The following DSCAML1 variants were observed in gnomAD, a reference collection of about 807,000 sequenced individuals.
DSCAML1 encodes the protein DS cell adhesion molecule like 1, also known as cell adhesion molecule DSCAML1.
Under a neutral mutation model 200.5 loss-of-function variants are expected in DSCAML1, and 38 were observed. That is an observed-to-expected ratio of 0.19 (90% CI 0.15 to 0.25). The LOEUF is 0.25. DSCAML1 is among the 10% of genes least tolerant of loss of function. The pLI is 1.00. For missense variants in DSCAML1, 2,223 were observed against 2,858.8 expected, an observed-to-expected ratio of 0.78 and a Z score of 5.07; for synonymous variants, 1,215 against 1,165.0, an observed-to-expected ratio of 1.04 and a Z score of -0.87.
chr11:117,687,789 C>T (rs984356724), intron 3 of DSCAML1, among the ~76,000 whole-genome samples: 26 of 152,258 alleles, frequency 1.7e-4, no homozygotes, highest in Middle Eastern at 3.4e-3. Context: ...ATTAACAAAA[C>T]TGGTAAGGGC....
At chr11:117,656,496 C>CATCTATCTATCT (rs71469141) in intron 3 of DSCAML1, among the ~76,000 whole-genome samples, 2,306 of 147,366 alleles carry the variant, frequency 0.016, 16 homozygotes, top group East Asian at 0.032. Flanking sequence ...TTACCTAAAT[C>CATCTATCTATCT]ATCTATCTAT....
chr11:117,689,618 T>G (rs1434376988), intron 3 of DSCAML1, among the ~76,000 whole-genome samples: 2 of 152,090 alleles, frequency 1.3e-5, no homozygotes, highest in Non-Finnish European at 2.9e-5. Flanking sequence ...GTGAAGGAGA[T>G]GATCACTCAA....
At chr11:117,757,571 TATAC>T (rs1417709682) in intron 3 of DSCAML1, among the ~76,000 whole-genome samples, 2 of 83,530 alleles carry the variant, frequency 2.4e-5, no homozygotes, top group African/African-American at 1.0e-4. Context: ...ATTAGGAGCC[TATAC>T]ACACACACAC....
rs753066184 is a variant in DSCAML1, at chr11:117,428,666, G to A, written c.5824C>T (p.Arg1942Cys). ...CTGGCAGGGTCCAGGGTCAGGTGGC[G>A]AGCCTGGGTGTGGTAGGTTCGAGCC... is the stretch of plus-strand genomic sequence containing the variant. ...NLARTYHTQARHLTLDPASKS... is the reference protein window; with the variant it reads ...NLARTYHTQACHLTLDPASKS... Residue 1942 changes from arginine to cysteine, a missense_variant, in exon 33 of 33, where the codon CGC (arginine) becomes TGC (cysteine). Around this residue, in one of 7 missense-constraint regions of DSCAML1, gnomAD observed 280 missense variants for 213.4 expected, o/e 1.31. Coordinates refer to ENST00000651296, the MANE Select transcript of DSCAML1 (RefSeq NM_020693.4). 1.7e-5 allele frequency: 27 copies of A among 1,612,496 alleles called. No individual in the cohort carries two copies. The highest frequency in any genetic ancestry group is 5.0e-5 in the Admixed American group (3 of 59,854).
chr11:117,482,050 C>T lies in DSCAML1; in HGVS notation c.2472G>A (p.Lys824=), dbSNP rs2048936090. 1.9e-6 allele frequency: 3 copies of T among 1,614,212 alleles called. No individual in the cohort carries two copies. Among genetic ancestry groups the T allele is most frequent in the Non-Finnish European group, 2.5e-6 (3 of 1,180,016 alleles). Residue 824 remains lysine, a synonymous_variant, in exon 12 of 33, where the codon AAG becomes AAA. Coordinates refer to ENST00000651296, the MANE Select transcript of DSCAML1 (RefSeq NM_020693.4). ...GGTCAGGGTCGATGACTGTGTCCCC[C>T]TTCTCCCAGCGGATGATGATGGGCC... is the stretch of plus-strand genomic sequence containing the variant. ...GERPIIIRWE[K]GDTVIDPDRV...
intron 20 of DSCAML1, among the ~76,000 whole-genome samples, chr11:117,444,334 T>C (rs78701708): frequency 0.02 from 3,080 of 152,190 alleles, 54 homozygotes; most frequent in Non-Finnish European, 0.033. Flanking sequence ...GTGAGTACTT[T>C]AGGTGAGGGA....
chr11:117,698,145 G>A (rs986108899), intron 3 of DSCAML1, among the ~76,000 whole-genome samples: 4 of 152,284 alleles, frequency 2.6e-5, no homozygotes, highest in South Asian at 2.1e-4. Flanking sequence ...CTATTCACAC[G>A]TCAATGGACC....
intron 3 of DSCAML1, among the ~76,000 whole-genome samples, chr11:117,746,221 CA>C (rs34362262): frequency 3.0e-4 from 20 of 66,800 alleles, no homozygotes; most frequent in African/African-American, 9.2e-4. Context: ...GACTCTGTCT[CA>C]AAAAAAAAAA....
intron 1 of DSCAML1, among the ~76,000 whole-genome samples, chr11:117,816,426 G>A (rs1384207244): frequency 6.6e-6 from 1 of 152,248 alleles, no homozygotes; most frequent in Admixed American, 6.5e-5. Flanking sequence ...CATTTGTCAG[G>A]CAGCCTGCTA....
At chr11:117,630,658 CAAAAAAAAAAA>C (rs56741831) in intron 3 of DSCAML1, among the ~76,000 whole-genome samples, 15 of 45,562 alleles carry the variant, frequency 3.3e-4, no homozygotes, top group East Asian at 7.9e-4. Flanking sequence ...ATAAAGTGGC[CAAAAAAAAAAA>C]AAAAAAAAAA....
intron 3 of DSCAML1, among the ~76,000 whole-genome samples, chr11:117,627,261 T>C (rs1591337211): frequency 6.6e-6 from 1 of 152,138 alleles, no homozygotes; most frequent in African/African-American, 2.4e-5. Context: ...GCTAAGACAC[T>C]GTTAGAGGTT....
rs375428721 is a variant in DSCAML1 at position 117,433,430 on chromosome 11, G to T, written c.4907+11C>A. On this transcript the variant is annotated intron_variant, in intron 28 of 32. Coordinates refer to ENST00000651296, the MANE Select transcript of DSCAML1 (RefSeq NM_020693.4). ...AAGGGAGGAGAAAGGAAGCAGCTTG[G>T]TGATACCCACCTTATCAACATTTCT... The T allele has an allele frequency of 6.2e-6, 10 of 1,613,242 alleles. No individual in the cohort carries two copies. Among genetic ancestry groups the T allele is most frequent in the African/African-American group, 4.0e-5 (3 of 74,912 alleles).
At chr11:117,544,572 G>T (rs2050335654) in intron 3 of DSCAML1, among the ~76,000 whole-genome samples, 1 of 152,162 alleles carries the variant, frequency 6.6e-6, no homozygotes, top group Admixed American at 6.5e-5. Flanking sequence ...TGAATAACCT[G>T]GGAGTCCCTG....
intron 3 of DSCAML1, among the ~76,000 whole-genome samples, chr11:117,717,940 G>T (rs555359572): frequency 1.3e-5 from 2 of 152,190 alleles, no homozygotes; most frequent in Non-Finnish European, 2.9e-5. Context: ...AGGAGTGCAG[G>T]TTCCAGCTTC....
intron 3 of DSCAML1, among the ~76,000 whole-genome samples, chr11:117,566,780 C>A (rs1323971849): frequency 2.0e-5 from 3 of 149,646 alleles, no homozygotes; most frequent in African/African-American, 4.9e-5. Context: ...TTCCTGTGTC[C>A]ATGTGTTTTC....
At chr11:117,760,737 C>T (rs894559709) in intron 3 of DSCAML1, among the ~76,000 whole-genome samples, 4 of 152,190 alleles carry the variant, frequency 2.6e-5, no homozygotes, top group African/African-American at 9.7e-5. Context: ...TCTTATCTCT[C>T]TCCCCTGAAG....
chr11:117,759,061 T>TAG (rs1255592639), intron 3 of DSCAML1, among the ~76,000 whole-genome samples: 3 of 152,228 alleles, frequency 2.0e-5, no homozygotes, highest in Non-Finnish European at 4.4e-5. Context: ...GCGATACTTC[T>TAG]AGACCTTAGA....
At chr11:117,628,410 C>T (rs1195033707) in intron 3 of DSCAML1, among the ~76,000 whole-genome samples, 2 of 152,208 alleles carry the variant, frequency 1.3e-5, no homozygotes, top group Non-Finnish European at 1.5e-5. Context: ...CCTTCCCTGC[C>T]CGACCTCCTC....
At chr11:117,447,903 A>G (rs1012917305) in intron 20 of DSCAML1, among the ~76,000 whole-genome samples, 9 of 152,208 alleles carry the variant, frequency 5.9e-5, no homozygotes, top group Non-Finnish European at 1.3e-4. Context: ...AATTTGGAAT[A>G]TATTTGTGCA....
Sources: allele counts gnomAD v4.1 joint callset (sites outside exome capture counted in the v4.1 genomes callset), GRCh38; gene constraint gnomAD v4.1.1; regional missense constraint gnomAD v4.1.1; transcripts MANE v1.5; gene names NCBI Gene and HGNC (gene_info 2026-07-23, HGNC 2026-07-21).